The following ARFGEF1 variants were observed in gnomAD, a reference collection of about 807,000 sequenced individuals.
ARFGEF1 encodes the protein brefeldin A-inhibited guanine nucleotide-exchange protein 1.
ARFGEF1 carries 42 observed loss-of-function variants against 231.0 expected under a neutral mutation model. That is an observed-to-expected ratio of 0.18 (90% CI 0.14 to 0.24). The LOEUF (loss-of-function observed/expected upper bound fraction) is 0.24, where lower values mean the gene tolerates loss of function less well. Ranked by LOEUF, ARFGEF1 falls within the 10% of genes least tolerant of loss-of-function variation. ARFGEF1 has a pLI of 1.00. For synonymous variants in ARFGEF1, 710 were observed against 732.3 expected, an observed-to-expected ratio of 0.97 and a Z score of 0.49; for missense variants, 1,345 against 2,192.0, an observed-to-expected ratio of 0.61 and a Z score of 7.72.
At chr8:67,250,407 A>G (rs1413589426) in intron 19 of ARFGEF1, among the ~76,000 whole-genome samples, 1 of 152,200 alleles carries the variant, frequency 6.6e-6, no homozygotes, top group Non-Finnish European at 1.5e-5. Context: ...ATGTTTAAAT[A>G]AACTATAACA....
chr8:67,343,506 G>T lies in ARFGEF1; in HGVS notation c.-219C>A, dbSNP rs1311175808. The T allele has an allele frequency of 2.4e-6, 3 of 1,242,040 alleles. 1 individual carries two copies. The East Asian group carries it at 1.0e-4, about 43-fold the overall frequency. The allele number at this position is 1,242,040 out of a possible 1,614,324, so 76.9% of individuals were successfully genotyped here. A position where few individuals can be genotyped will look rare whatever the true frequency, so the allele number is the denominator to read the frequency against. ...AGGTCCTCGCCGCCCCCAAGAAGCC[G>T]TACCTCGAGGGCCGCGCCCGTCGGG... On this transcript the variant is annotated 5_prime_UTR_variant, in exon 1 of 39. Coordinates refer to ENST00000262215, the MANE Select transcript of ARFGEF1 (RefSeq NM_006421.5).
exon 6 of ARFGEF1, chr8:67,175,512 G>A (rs1242096791): frequency 6.5e-7 from 1 of 1,544,236 alleles, no homozygotes; most frequent in Non-Finnish European, 8.9e-7. Flanking sequence ...CTCTTCTATT[G>A]ATTTCATTCC....
chr8:67,196,560 C>CGGTT (rs1377599339), downstream of ARFGEF1, among the ~76,000 whole-genome samples: 3 of 152,162 alleles, frequency 2.0e-5, no homozygotes, highest in African/African-American at 7.2e-5. Flanking sequence ...ATGTAATTAA[C>CGGTT]GGTTGGTAGA....
At chr8:67,294,367 T>G (rs559935098) in intron 5 of ARFGEF1, among the ~76,000 whole-genome samples, 26 of 152,140 alleles carry the variant, frequency 1.7e-4, no homozygotes, top group Non-Finnish European at 3.7e-4. Flanking sequence ...CTAACTATTA[T>G]CACAAAGGAA....
intron 1 of ARFGEF1, among the ~76,000 whole-genome samples, chr8:67,338,966 C>T (rs1392589193): frequency 6.6e-6 from 1 of 152,114 alleles, no homozygotes; most frequent in East Asian, 1.9e-4. Context: ...GGGCCCAAAG[C>T]ATTCAAGTAA....
intron 5 of ARFGEF1, among the ~76,000 whole-genome samples, chr8:67,181,764 T>C (rs1198178235): frequency 6.6e-6 from 1 of 152,220 alleles, no homozygotes; most frequent in African/African-American, 2.4e-5. Context: ...CAACCACCAC[T>C]ATCATCCATC....
In ARFGEF1 at chr8:67,185,120, AAAACAAAC is replaced by A. The variant is rs531865798; in HGVS notation, c.561-9556_561-9549del. Among the ~76,000 whole-genome samples, 27 of 151,268 alleles carry A rather than the reference AAAACAAAC, an allele frequency of 1.8e-4. No individual in the cohort carries two copies. In the South Asian group the frequency reaches 3.5e-3, roughly 20 times the overall value. On this transcript the variant is annotated intron_variant, in intron 5 of 5. Coordinates refer to the ARFGEF1 transcript ENST00000518789. ...ACTCCGTCTCAAAAAAAAAAAAACA[AAAACAAAC>A]AAACAAACAAACAAAAAACACAACA...
intron 5 of ARFGEF1, among the ~76,000 whole-genome samples, chr8:67,177,070 CA>C (rs36084458): frequency 0.07 from 3,649 of 51,948 alleles, 24 homozygotes; most frequent in African/African-American, 0.14. Flanking sequence ...GACTTAGTCT[CA>C]AAAAAAAAAA....
At chr8:67,209,067 A>G (rs1486483615) in intron 34 of ARFGEF1, among the ~76,000 whole-genome samples, 1 of 152,258 alleles carries the variant, frequency 6.6e-6, no homozygotes, top group Non-Finnish European at 1.5e-5. Flanking sequence ...TTACCCTATG[A>G]GCTAGCAATT....
rs577968829 is a variant in ARFGEF1, at chr8:67,280,795, T to C, written c.1028-3338A>G. 4.6e-5 allele frequency among the ~76,000 whole-genome samples: 7 copies of C among 152,262 alleles called. No individual in the cohort carries two copies. In the East Asian group the frequency reaches 1.4e-3, roughly 29 times the overall value. ...CTCATGAATTTTGGAAAGGAAGGCC[T>C]CACAAGAAATAGAAAAAACATATAC... On this transcript the variant is annotated intron_variant, in intron 7 of 38. Transcript: ENST00000262215.
At chr8:67,267,281 C>T (rs376520711) in intron 11 of ARFGEF1, 51 bp from the exon 12 acceptor site, 11 of 1,594,274 alleles carry the variant, frequency 6.9e-6, no homozygotes, top group African/African-American at 4.1e-5. Flanking sequence ...GATATGAGTA[C>T]ATTTGGCCTT....
At chr8:67,288,893 G>A (rs1172563600) in intron 6 of ARFGEF1, among the ~76,000 whole-genome samples, 1 of 151,290 alleles carries the variant, frequency 6.6e-6, no homozygotes, top group Non-Finnish European at 1.5e-5. Context: ...CATATCTAAT[G>A]TAAAACTAAA....
intron 10 of ARFGEF1, among the ~76,000 whole-genome samples, chr8:67,270,305 T>G (rs1805024498): frequency 6.6e-6 from 1 of 152,176 alleles, no homozygotes; most frequent in Non-Finnish European, 1.5e-5. Flanking sequence ...GCTTTTCACT[T>G]AAAATACCAA....
rs755532297 is a variant in ARFGEF1 at position 67,277,427 on chromosome 8, C to T, written c.1058G>A (p.Ser353Asn). Residue 353 changes from serine to asparagine, a missense_variant, in exon 8 of 39, where the codon AGT becomes AAT. Ser to Asn is a conservative substitution (Grantham distance 46, BLOSUM62 1). This residue lies in a region of ARFGEF1 where 398 missense variants were observed against 463.2 expected (regional missense o/e 0.86). Transcript: ENST00000262215. ...DMGEGTTINASADGNIGTIED... is the reference protein window; with the variant it reads ...DMGEGTTINANADGNIGTIED... ...TATAGTTCCAATGTTGCCATCTGCA[C>T]TTGCATTTATAGTAGTCCCTTCTCC... The T allele has an allele frequency of 6.2e-7, 1 of 1,613,580 alleles. No individual in the cohort carries two copies.
intron 1 of ARFGEF1, among the ~76,000 whole-genome samples, chr8:67,311,219 C>T (rs1230511100): frequency 6.2e-5 from 9 of 145,556 alleles, no homozygotes; most frequent in African/African-American, 2.3e-4. Flanking sequence ...TGGCCAGCCG[C>T]CCCGTCCGGG....
chr8:67,196,286 T>C (rs1033311226), downstream of ARFGEF1: 1 of 152,246 alleles, frequency 6.6e-6, no homozygotes, highest in African/African-American at 2.4e-5. Flanking sequence ...CTATGGAGCT[T>C]TCTAGACTAG....
intron 30 of ARFGEF1, among the ~76,000 whole-genome samples, chr8:67,218,623 A>G (rs897479070): frequency 1.3e-5 from 2 of 152,168 alleles, no homozygotes; most frequent in Admixed American, 6.6e-5. Flanking sequence ...AGGGCTATAC[A>G]ACGTAAGTGT....
intron 7 of ARFGEF1, among the ~76,000 whole-genome samples, chr8:67,281,718 A>G (rs1805544134): frequency 6.6e-6 from 1 of 151,852 alleles, no homozygotes; most frequent in African/African-American, 2.4e-5. Flanking sequence ...TAGAAATAAT[A>G]TGAGTTCAGA....
At chr8:67,335,234 T>C (rs1808290005) in intron 1 of ARFGEF1, among the ~76,000 whole-genome samples, 1 of 150,888 alleles carries the variant, frequency 6.6e-6, no homozygotes, top group Non-Finnish European at 1.5e-5. Flanking sequence ...GCCTCCCAAG[T>C]AGCTAGGACT....
Sources: gnomAD v4.1 joint callset for allele counts (sites outside exome capture counted in the v4.1 genomes callset) on GRCh38, gnomAD v4.1.1 for gene constraint, gnomAD v4.1.1 regional missense constraint, MANE v1.5 for transcripts, NCBI Gene and HGNC (gene_info 2026-07-23, HGNC 2026-07-21) for gene names.